RUNDC3B: variants seen among roughly 807,000 people sequenced by gnomAD.
The protein encoded by RUNDC3B is RUN domain-containing protein 3B.
In RUNDC3B, 33 loss-of-function variants were observed where a neutral mutation model predicts 58.4. The observed-to-expected ratio is 0.56, with a 90% confidence interval of 0.43 to 0.75. The LOEUF (loss-of-function observed/expected upper bound fraction) is 0.75. Among genes scored for constraint, RUNDC3B ranks in the 30% least tolerant of loss-of-function variants. The pLI is 0.00. For missense variants in RUNDC3B, 501 were observed against 535.7 expected (o/e 0.94, Z 0.64); for synonymous variants, 193 against 195.2 (o/e 0.99, Z 0.10).
intron 4 of RUNDC3B, among the ~76,000 whole-genome samples, chr7:87,716,126 A>G (rs1830543131): frequency 6.6e-6 from 1 of 152,194 alleles, no homozygotes; most frequent in South Asian, 2.1e-4. Flanking sequence ...CAGAGTGATT[A>G]CCACTTTGGG....
chr7:87,634,782 T>A (rs1289009725), intron 1 of RUNDC3B, among the ~76,000 whole-genome samples: 1 of 152,256 alleles, frequency 6.6e-6, no homozygotes, highest in African/African-American at 2.4e-5. Flanking sequence ...AGTCATTTTA[T>A]ATGTAGTAGA....
At chr7:87,750,318 G>A (rs542514110) in intron 6 of RUNDC3B, among the ~76,000 whole-genome samples, 1 of 151,650 alleles carries the variant, frequency 6.6e-6, no homozygotes, top group South Asian at 2.1e-4. Flanking sequence ...TTGCTATTGT[G>A]AATAATGCCG....
intron 2 of RUNDC3B, among the ~76,000 whole-genome samples, chr7:87,654,426 C>T (rs1249316534): frequency 1.3e-5 from 2 of 151,940 alleles, no homozygotes; most frequent in African/African-American, 4.8e-5. Flanking sequence ...CAAATAAATC[C>T]ATGCATTTCT....
chr7:87,655,906 G>A (rs1194542633), intron 2 of RUNDC3B, among the ~76,000 whole-genome samples: 1 of 151,974 alleles, frequency 6.6e-6, no homozygotes, highest in African/African-American at 2.4e-5. Flanking sequence ...GAGGGAGTTT[G>A]TCCTTTTTTG....
At chr7:87,703,885 CTTTTTTTTTTTTTTTTTTTT>C in intron 3 of RUNDC3B, among the ~76,000 whole-genome samples, 2 of 60,282 alleles carry the variant, frequency 3.3e-5, no homozygotes, top group Non-Finnish European at 6.3e-5. Context: ...TCAGTTTTTT[CTTTTTTTTTTTTTTTTTTTT>C]TTTTTTTGGT....
At chr7:87,744,993 A>G (rs1832563795) in intron 6 of RUNDC3B, among the ~76,000 whole-genome samples, 4 of 152,280 alleles carry the variant, frequency 2.6e-5, no homozygotes, top group Non-Finnish European at 4.4e-5. Context: ...GGTCCCTTGT[A>G]TGCCGATTTT....
At position 87,750,340 on chromosome 7, in the gene RUNDC3B, C is replaced by T. The variant is rs560807144; in HGVS notation, c.629+8761C>T. ...TGTGAATAATGCCGCAATAAACATA[C>T]GTGTGCATGTGTCTTTATAGCAGCA... On this transcript the variant is annotated intron_variant, in intron 6 of 10. Coordinates refer to ENST00000394654, the MANE Select transcript of RUNDC3B (RefSeq NM_001134405.2). 1.3e-3 allele frequency among the ~76,000 whole-genome samples: 202 copies of T among 151,538 alleles called. 1 individual carries two copies. Among genetic ancestry groups the T allele is most frequent in the African/African-American group, 4.7e-3 (195 of 41,346 alleles).
chr7:87,830,256 G>T lies in RUNDC3B; in HGVS notation c.*226G>T. ...TTTGTCATTGAGAAAGTTCAAAATGGAATAGGCTTTAAAAAAAAAAAAACT... is the reference window on the plus strand; with the variant it reads ...TTTGTCATTGAGAAAGTTCAAAATGTAATAGGCTTTAAAAAAAAAAAAACT... On this transcript the variant is annotated 3_prime_UTR_variant, in exon 11 of 11. Coordinates refer to ENST00000394654, the MANE Select transcript of RUNDC3B (RefSeq NM_001134405.2). 3.2e-6 allele frequency: 1 copy of T among 315,792 alleles called. No individual in the cohort carries two copies. 19.6% of individuals were successfully genotyped at this position (315,792 alleles called of 1,614,324 possible). A position where few individuals can be genotyped will look rare whatever the true frequency, so the allele number is the denominator to read the frequency against.
At chr7:87,703,885 CTTTTTTTT>C in intron 3 of RUNDC3B, among the ~76,000 whole-genome samples, 29 of 60,288 alleles carry the variant, frequency 4.8e-4, no homozygotes, top group Non-Finnish European at 7.3e-4. Context: ...TCAGTTTTTT[CTTTTTTTT>C]TTTTTTTTTT....
intron 6 of RUNDC3B, among the ~76,000 whole-genome samples, chr7:87,754,661 G>A (rs1833251959): frequency 6.6e-6 from 1 of 151,798 alleles, no homozygotes; most frequent in Non-Finnish European, 1.5e-5. Context: ...TTGGTTTTTT[G>A]AAAAAATAAG....
intron 2 of RUNDC3B, among the ~76,000 whole-genome samples, chr7:87,695,973 T>C (rs1828459656): frequency 1.3e-5 from 2 of 152,108 alleles, no homozygotes; most frequent in South Asian, 4.1e-4. Context: ...GATAATCACA[T>C]AGCTGGTCAG....
chr7:87,631,250 AT>A (rs1265662768), intron 1 of RUNDC3B, among the ~76,000 whole-genome samples: 2 of 152,240 alleles, frequency 1.3e-5, no homozygotes, highest in African/African-American at 4.8e-5. Flanking sequence ...ACTATAGGCC[AT>A]TTGTACATTT....
intron 1 of RUNDC3B, among the ~76,000 whole-genome samples, chr7:87,631,495 A>G (rs1821217665): frequency 6.6e-6 from 1 of 152,102 alleles, no homozygotes; most frequent in Non-Finnish European, 1.5e-5. Flanking sequence ...GGTTCACGCC[A>G]TTCTCCTGCC....
chr7:87,734,504 A>G (rs1349393394), intron 4 of RUNDC3B, among the ~76,000 whole-genome samples: 1 of 152,094 alleles, frequency 6.6e-6, no homozygotes, highest in East Asian at 1.9e-4. Context: ...TGCTGGATCA[A>G]TCCTACCCTT....
At chr7:87,667,433 C>G (rs572099602) in intron 2 of RUNDC3B, among the ~76,000 whole-genome samples, 1 of 151,966 alleles carries the variant, frequency 6.6e-6, no homozygotes, top group East Asian at 1.9e-4. Flanking sequence ...ATGTCATCTG[C>G]AAACAGGGAT....
In RUNDC3B at chr7:87,785,182, C is replaced by T. The variant is rs371343605; in HGVS notation, c.956+7227C>T. ...TGTCTGCCCCAGGAACAGACCTAAC[C>T]AGCTAGATTTGTTCCAAGCTTTCTG... On this transcript the variant is annotated intron_variant, in intron 8 of 10. Transcript: ENST00000394654. 6.6e-5 allele frequency among the ~76,000 whole-genome samples: 10 copies of T among 152,028 alleles called. 1 individual carries two copies. The East Asian group carries it at 1.2e-3, about 18-fold the overall frequency.
chr7:87,788,588 T>C (rs1835349801), intron 8 of RUNDC3B, among the ~76,000 whole-genome samples: 1 of 152,012 alleles, frequency 6.6e-6, no homozygotes, highest in Non-Finnish European at 1.5e-5. Context: ...ATATATTAAA[T>C]TTTATTCAAT....
At chr7:87,665,287 A>G (rs1043997760) in intron 2 of RUNDC3B, among the ~76,000 whole-genome samples, 3 of 152,172 alleles carry the variant, frequency 2.0e-5, no homozygotes, top group Non-Finnish European at 2.9e-5. Flanking sequence ...ACATTTTTAT[A>G]TACTAAAAAT....
intron 2 of RUNDC3B, among the ~76,000 whole-genome samples, chr7:87,685,338 G>T (rs1446615953): frequency 6.6e-6 from 1 of 152,146 alleles, no homozygotes; most frequent in African/African-American, 2.4e-5. Flanking sequence ...ATGAAAAGAT[G>T]TTCAACATCA....
Sources: gnomAD v4.1 joint callset for allele counts (sites outside exome capture counted in the v4.1 genomes callset) on GRCh38, gnomAD v4.1.1 for gene constraint, MANE v1.5 for transcripts, NCBI Gene and HGNC (gene_info 2026-07-23, HGNC 2026-07-21) for gene names.